RBM26: variants seen among roughly 807,000 people sequenced by gnomAD.
The protein encoded by RBM26 is RNA binding motif protein 26.
Under a neutral mutation model 123.6 loss-of-function variants are expected in RBM26, and 30 were observed. That is an observed-to-expected ratio of 0.24 (90% confidence interval 0.18 to 0.33). RBM26 has a LOEUF of 0.33. Ranked by LOEUF, RBM26 falls within the 10% of genes least tolerant of loss-of-function variation. The pLI is 1.00. For synonymous variants in RBM26, 400 were observed against 404.4 expected (o/e 0.99, Z 0.13); for missense variants, 947 against 1,203.6 (o/e 0.79, Z 3.15).
rs2067497495 is a variant in RBM26, at chr13:79,319,970, T to TTTG, written c.*650_*651insCAA. The TTTG allele has an allele frequency of 4.4e-6, 2 of 457,404 alleles. No individual in the cohort carries two copies. The highest frequency in any genetic ancestry group is 1.0e-4 in the South Asian group (1 of 9,692). 28.3% of individuals were successfully genotyped at this position (457,404 alleles called of 1,614,324 possible). A position where few individuals can be genotyped will look rare whatever the true frequency, so the allele number is the denominator to read the frequency against. ...TTGGCTTTTTTTTTTTTTTTTTTTT[T>TTTG]GTCATTGCTTTTCTCTTTTCTTTCC... On this transcript the variant is annotated 3_prime_UTR_variant, in exon 22 of 22. Transcript: ENST00000438737.
rs764378919 is a variant in RBM26, at chr13:79,354,459, C to T, written c.1966G>A (p.Ala656Thr). 1.9e-6 allele frequency: 3 copies of T among 1,591,736 alleles called. No homozygotes were observed. The highest frequency in any genetic ancestry group is 4.5e-5 in the East Asian group (2 of 44,530). Residue 656 changes from alanine to threonine, a missense_variant, in exon 13 of 22, where the codon GCC (alanine) becomes ACC (threonine). By Grantham distance (58) the Ala-to-Thr change is moderately conservative. Transcript: ENST00000438737. ...TTTACCTGAGGAAGGTCTGAAGAGG[C>T]ACTCTGGGCTTCTGCAGGTTCAATA... ...STIEPAEAQS[A>T]SSDLPQNVTK...
At chr13:79,315,092 TAA>T, downstream of RBM26, 1 of 563,824 alleles carries the variant, frequency 1.8e-6, no homozygotes, top group South Asian at 1.7e-5. Context: ...TTCTAAACAT[TAA>T]AAAAGTCTAT....
chr13:79,396,502 C>T (rs1400153073), intron 1 of RBM26, among the ~76,000 whole-genome samples: 1 of 152,054 alleles, frequency 6.6e-6, no homozygotes, highest in Non-Finnish European at 1.5e-5. Context: ...TTGGCAACTT[C>T]AGAAAAATCT....
exon 5 of RBM26, chr13:79,313,096 C>G (rs941460773): frequency 6.6e-6 from 1 of 151,762 alleles, no homozygotes; most frequent in African/African-American, 2.4e-5. Context: ...ATATAAAAGG[C>G]TTTCATTATG....
chr13:79,311,838 A>G (rs1593797285), exon 5 of RBM26: 1 of 152,220 alleles, frequency 6.6e-6, no homozygotes, highest in East Asian at 1.9e-4. Context: ...GTTTTTAGTA[A>G]GACTTTTATT....
intron 1 of RBM26, among the ~76,000 whole-genome samples, chr13:79,394,162 G>C (rs1055357381): frequency 6.6e-6 from 1 of 152,160 alleles, no homozygotes; most frequent in Admixed American, 6.5e-5. Flanking sequence ...CTGGCACATT[G>C]TGGGGACAAA....
intron 6 of RBM26, among the ~76,000 whole-genome samples, 165 bp from the exon 7 acceptor site, chr13:79,367,037 A>C (rs2139898358): frequency 6.6e-6 from 1 of 152,266 alleles, no homozygotes; most frequent in African/African-American, 2.4e-5. Context: ...CAGTAATATA[A>C]ATACTTGTAA....
downstream of RBM26, among the ~76,000 whole-genome samples, chr13:79,318,388 CTCCT>C (rs2067342139): frequency 6.6e-6 from 1 of 151,316 alleles, no homozygotes; most frequent in South Asian, 2.1e-4. Flanking sequence ...AAATGAACAA[CTCCT>C]TCCTAAGTTT....
chr13:79,313,265 A>C (rs554161963), exon 5 of RBM26: 2 of 151,966 alleles, frequency 1.3e-5, no homozygotes, highest in South Asian at 4.1e-4. Flanking sequence ...ACTAGATCTC[A>C]AAGCAATTTT....
intron 18 of RBM26, 68 bp from the exon 19 acceptor site, chr13:79,337,370 T>C: frequency 1.3e-6 from 2 of 1,542,094 alleles, no homozygotes; most frequent in South Asian, 2.3e-5. Flanking sequence ...CATTACACTC[T>C]GGCAGATGAA....
chr13:79,338,552 G>C (rs997449986), intron 18 of RBM26, among the ~76,000 whole-genome samples: 1 of 152,170 alleles, frequency 6.6e-6, no homozygotes, highest in African/African-American at 2.4e-5. Context: ...TGGATGGAGA[G>C]ATAAGCCTGG....
intron 15 of RBM26, 76 bp from the exon 16 acceptor site, chr13:79,344,398 T>C: frequency 8.6e-7 from 1 of 1,160,078 alleles, no homozygotes; most frequent in South Asian, 1.3e-5. Flanking sequence ...GAGAAATAGT[T>C]GTAACTGCAG....
intron 1 of RBM26, among the ~76,000 whole-genome samples, chr13:79,384,407 A>C (rs1183294577): frequency 6.6e-6 from 1 of 152,072 alleles, no homozygotes; most frequent in East Asian, 1.9e-4. Flanking sequence ...ACAGGTGCAC[A>C]CAACTACACC....
In RBM26 at chr13:79,354,562, C is replaced by T; in HGVS notation, c.1863G>A (p.Gln621=). The change falls in exon 13 of 22, where the codon CAG becomes CAA. Residue 621 remains glutamine, a synonymous_variant. Coordinates refer to ENST00000438737, the MANE Select transcript of RBM26 (RefSeq NM_001366735.2). ...QLQTTSPKVM[Q]PLVQQPILPV... The stretch of plus-strand genomic sequence containing the variant: ...GCAAAATGGGCTGCTGGACTAAAGG[C>T]TGCATTACCTCAGAACAAGGAAAAA... 2 of 1,592,514 alleles carry T rather than the reference C, an allele frequency of 1.3e-6. No individual in the cohort carries two copies. Among genetic ancestry groups the T allele is most frequent in the Non-Finnish European group, 1.7e-6 (2 of 1,166,792 alleles).
chr13:79,343,364 T>A (rs2071754658), intron 16 of RBM26, among the ~76,000 whole-genome samples: 2 of 151,894 alleles, frequency 1.3e-5, no homozygotes, highest in African/African-American at 4.8e-5. Flanking sequence ...CAAGATAGTA[T>A]GGGTAAAAGA....
At position 79,334,406 on chromosome 13, in the gene RBM26, G is replaced by C. The variant is rs781074449; in HGVS notation, c.2758C>G (p.Gln920Glu). ...GCATGAAGTGAGGAATCATCAATCT[G>C]ACAATCTTCAATTTCACCATATTGC... ...FAQYGEIEDC[Q>E]IDDSSLHAVI... is the part of the protein sequence containing the mutation. Residue 920 changes from glutamine (Q) to glutamate (E), a missense_variant, in exon 20 of 22, where the codon CAG (glutamine) becomes GAG (glutamate). Transcript: ENST00000438737. The C allele has an allele frequency of 2.6e-6, 4 of 1,563,718 alleles. No individual in the cohort carries two copies. Among genetic ancestry groups the C allele is most frequent in the South Asian group, 1.2e-5 (1 of 82,214 alleles).
In RBM26 at chr13:79,366,110, T is replaced by G. The variant is rs920852645; in HGVS notation, c.1221A>C (p.Val407=). ...GAGGCTGGTGATGAATGCCAGTTGT[T>G]ACTACAGTAGGAACAGAACTGGTTG... The part of the protein sequence containing the change: ...NSATSSVPTV[V]TTGIHHQPPP... Residue 407 remains valine (V), a synonymous_variant, in exon 8 of 22, where the codon GTA becomes GTC. Coordinates refer to ENST00000438737, the MANE Select transcript of RBM26 (RefSeq NM_001366735.2). 4 of 1,614,050 alleles carry G rather than the reference T, an allele frequency of 2.5e-6. No homozygotes were observed. The highest frequency in any genetic ancestry group is 3.4e-6 in the Non-Finnish European group (4 of 1,179,928).
downstream of RBM26, among the ~76,000 whole-genome samples, chr13:79,318,112 A>G (rs2067313134): frequency 6.6e-6 from 1 of 151,580 alleles, no homozygotes; most frequent in Non-Finnish European, 1.5e-5. Context: ...AAGGGAGGGT[A>G]TAAGTATGAA....
At chr13:79,345,295 T>G (rs1327841057) in intron 14 of RBM26, among the ~76,000 whole-genome samples, 1 of 151,974 alleles carries the variant, frequency 6.6e-6, no homozygotes. Context: ...CTTACTCCCC[T>G]AAACTCAGCT....
Sources: gnomAD v4.1 joint callset for allele counts (sites outside exome capture counted in the v4.1 genomes callset) on GRCh38, gnomAD v4.1.1 for gene constraint, MANE v1.5 for transcripts, NCBI Gene and HGNC (gene_info 2026-07-23, HGNC 2026-07-21) for gene names.